SHTN1: variants seen among roughly 807,000 people sequenced by gnomAD.
The protein encoded by SHTN1 is shootin-1.
SHTN1 carries 42 observed loss-of-function variants against 83.1 expected under a neutral mutation model. That is an observed-to-expected ratio of 0.51 (90% CI 0.39 to 0.65). SHTN1 has a LOEUF of 0.65. Among genes scored for constraint, SHTN1 ranks in the 30% least tolerant of loss-of-function variants. The probability of loss-of-function intolerance (pLI) is 0.00; values close to 1 mark genes in which losing one functional copy is unlikely to be tolerated. For missense variants in SHTN1, 622 were observed against 737.8 expected (o/e 0.84, Z 1.82); for synonymous variants, 224 against 247.7 (o/e 0.90, Z 0.90).
At chr10:116,911,547 A>G in intron 14 of SHTN1, 1 of 1,550,670 alleles carries the variant, frequency 6.4e-7, no homozygotes, top group Non-Finnish European at 8.7e-7. Flanking sequence ...CAAGAACAGG[A>G]AACAATGACT....
intron 1 of SHTN1, among the ~76,000 whole-genome samples, chr10:117,099,595 A>AC (rs1853559530): frequency 6.6e-6 from 1 of 152,178 alleles, no homozygotes; most frequent in South Asian, 2.1e-4. Context: ...TTTTCACCAC[A>AC]CCATGCTGCC....
intron 2 of SHTN1, among the ~76,000 whole-genome samples, chr10:117,011,775 A>G (rs12265399): frequency 0.02 from 3,112 of 152,292 alleles, 109 homozygotes; most frequent in African/African-American, 0.071. Flanking sequence ...CTAGATGCCA[A>G]AAAGTATAAA....
chr10:117,063,718 G>A (rs1852933347), intron 1 of SHTN1, among the ~76,000 whole-genome samples: 1 of 151,966 alleles, frequency 6.6e-6, no homozygotes, highest in Non-Finnish European at 1.5e-5. Flanking sequence ...GAATGTTCAA[G>A]GTCTTTTTAT....
chr10:116,940,459 G>T lies in SHTN1; in HGVS notation c.858+7C>A. 1 of 1,613,244 alleles carries T rather than the reference G, an allele frequency of 6.2e-7. No individual in the cohort carries two copies. Among genetic ancestry groups the T allele is most frequent in the Non-Finnish European group, 8.5e-7 (1 of 1,179,534 alleles). On this transcript the variant is annotated splice_region_variant and intron_variant, in intron 9 of 16. Coordinates refer to ENST00000355371, the MANE Select transcript of SHTN1 (RefSeq NM_001127211.3). ...TGTACCTAAGATTCCAGAAGAAAATGGGTTACCTTTTGTTGATGCTGAATT... is the reference window on the plus strand; with the variant it reads ...TGTACCTAAGATTCCAGAAGAAAATTGGTTACCTTTTGTTGATGCTGAATT...
At chr10:117,062,934 G>A (rs1014448163) in intron 1 of SHTN1, among the ~76,000 whole-genome samples, 2 of 152,208 alleles carry the variant, frequency 1.3e-5, no homozygotes, top group East Asian at 3.9e-4. Flanking sequence ...ATGTAACTAA[G>A]AACTCAGACG....
At chr10:117,037,630 C>T (rs941577259) in intron 2 of SHTN1, among the ~76,000 whole-genome samples, 1 of 150,616 alleles carries the variant, frequency 6.6e-6, no homozygotes, top group Admixed American at 6.6e-5. Flanking sequence ...AGTTGGAAGA[C>T]TGACACTACC....
chr10:116,953,750 C>T (rs547887976), intron 5 of SHTN1, among the ~76,000 whole-genome samples: 25 of 151,866 alleles, frequency 1.6e-4, no homozygotes, highest in African/African-American at 5.8e-4. Flanking sequence ...GCCTCAGCCT[C>T]CCAAGTAGCT....
chr10:117,034,849 A>T (rs898139902), intron 2 of SHTN1, among the ~76,000 whole-genome samples: 12 of 152,206 alleles, frequency 7.9e-5, no homozygotes. Context: ...AAATGGAAAG[A>T]TATTCTATAT....
At chr10:117,022,719 G>A (rs1297493084) in intron 2 of SHTN1, among the ~76,000 whole-genome samples, 2 of 152,098 alleles carry the variant, frequency 1.3e-5, no homozygotes, top group South Asian at 4.1e-4. Context: ...TCAGGAGTTC[G>A]AGACCAGCCT....
At chr10:116,973,851 T>C (rs1232809176) in intron 2 of SHTN1, 2 of 1,281,490 alleles carry the variant, frequency 1.6e-6, no homozygotes, top group Non-Finnish European at 2.0e-6. Context: ...ACTTTACCTG[T>C]TTACCTGTTT....
chr10:117,101,573 G>A (rs1398758708), intron 1 of SHTN1, among the ~76,000 whole-genome samples: 1 of 152,136 alleles, frequency 6.6e-6, no homozygotes, highest in Non-Finnish European at 1.5e-5. Context: ...GAAAGAAGGA[G>A]CAGATTCATC....
chr10:116,904,591 T>C (rs2133331503), intron 15 of SHTN1, among the ~76,000 whole-genome samples: 1 of 152,320 alleles, frequency 6.6e-6, no homozygotes, highest in South Asian at 2.1e-4. Flanking sequence ...AAAATGTATT[T>C]TCTATTCTAA....
rs1451074688 is a variant in SHTN1 at position 116,886,214 on chromosome 10, A to G, written c.*130T>C. 1.6e-6 allele frequency: 2 copies of G among 1,284,714 alleles called. No individual in the cohort carries two copies. Among genetic ancestry groups the G allele is most frequent in the Non-Finnish European group, 1.1e-6 (1 of 946,092 alleles). The allele number at this position is 1,284,714 out of a possible 1,614,324, so 79.6% of individuals were successfully genotyped here. On this transcript the variant is annotated 3_prime_UTR_variant, in exon 17 of 17. Coordinates refer to ENST00000355371, the MANE Select transcript of SHTN1 (RefSeq NM_001127211.3). ...TATAGTTGCTACTTACAAAAGTGAC[A>G]CCAGAAAAGAACCTGTATTCTGAAT...
chr10:116,906,432 C>T (rs1385195183), intron 15 of SHTN1, among the ~76,000 whole-genome samples, 195 bp downstream of exon 15: 1 of 152,200 alleles, frequency 6.6e-6, no homozygotes, highest in African/African-American at 2.4e-5. Context: ...TAAGTAAACA[C>T]ACCAATAAAT....
In SHTN1 at chr10:116,941,931, C is replaced by T. The variant is rs116556422; in HGVS notation, c.712-1319G>A. Among the ~76,000 whole-genome samples, 300 of 152,278 alleles carry T rather than the reference C, an allele frequency of 2.0e-3. 3 individuals are homozygous for T. Among genetic ancestry groups the T allele is most frequent in the African/African-American group, 6.7e-3 (277 of 41,552 alleles). On this transcript the variant is annotated intron_variant, in intron 8 of 16. Coordinates refer to ENST00000355371, the MANE Select transcript of SHTN1 (RefSeq NM_001127211.3). ...GATTTATGAAAAGCCTACAAAACTA[C>T]GACAGGGTTCTTCTGCAGAATTAAA...
intron 3 of SHTN1, among the ~76,000 whole-genome samples, chr10:116,963,257 A>T (rs920209684): frequency 6.7e-6 from 1 of 150,178 alleles, no homozygotes; most frequent in Non-Finnish European, 1.5e-5. Flanking sequence ...TATTTTTAGT[A>T]GAGACGGGGT....
intron 2 of SHTN1, among the ~76,000 whole-genome samples, chr10:117,031,905 C>T (rs985013114): frequency 6.6e-6 from 1 of 151,952 alleles, no homozygotes; most frequent in African/African-American, 2.4e-5. Flanking sequence ...ATTTACTTAT[C>T]AATAATAACA....
chr10:117,065,245 G>T (rs187181157), intron 1 of SHTN1, among the ~76,000 whole-genome samples: 28 of 152,224 alleles, frequency 1.8e-4, no homozygotes, highest in Non-Finnish European at 3.5e-4. Flanking sequence ...GATAAGTGTA[G>T]AAAACCACCA....
rs1469773048 is a variant in SHTN1, at chr10:116,912,975, C to T, written c.1306-1132G>A. ...TGACTAAGGCATTCAGCTCTCATAG[C>T]GCAGATTTTCTGTGAAATACACATG... On this transcript the variant is annotated intron_variant, in intron 13 of 16. Coordinates refer to ENST00000355371, the MANE Select transcript of SHTN1 (RefSeq NM_001127211.3). 9.9e-5 allele frequency among the ~76,000 whole-genome samples: 15 copies of T among 152,284 alleles called. No homozygotes were observed. In the Middle Eastern group the frequency reaches 0.02, roughly 207 times the overall value.
Sources: allele counts gnomAD v4.1 joint callset (sites outside exome capture counted in the v4.1 genomes callset), GRCh38; gene constraint gnomAD v4.1.1; transcripts MANE v1.5; gene names NCBI Gene and HGNC (gene_info 2026-07-23, HGNC 2026-07-21).